BAZ2A: variants seen among roughly 807,000 people sequenced by gnomAD.
BAZ2A encodes bromodomain adjacent to zinc finger domain protein 2A.
A neutral mutation model predicts 199.9 loss-of-function variants in BAZ2A; 34 were observed. The ratio of observed to expected loss-of-function variants is 0.17; its 90% CI spans 0.13 to 0.23. BAZ2A has a LOEUF of 0.23. Ranked by LOEUF, BAZ2A falls within the 10% of genes least tolerant of loss-of-function variation. The pLI, the probability that BAZ2A is intolerant of heterozygous loss-of-function variation, is 1.00. For missense variants in BAZ2A, 2,002 were observed against 2,391.1 expected (o/e 0.84, Z 3.39); for synonymous variants, 857 against 883.9 (o/e 0.97, Z 0.54).
At chr12:56,605,613 G>A in intron 13 of BAZ2A, 1 of 628,922 alleles carries the variant, frequency 1.6e-6, no homozygotes. Context: ...GTAGAGATGA[G>A]GTCTCGCCAT....
chr12:56,602,242 A>G, intron 19 of BAZ2A, 50 bp from the exon 20 acceptor site: 1 of 1,447,910 alleles, frequency 6.9e-7, no homozygotes, highest in Non-Finnish European at 9.4e-7. Flanking sequence ...ACAAGGGAAA[A>G]GTAAGAGGGT....
At chr12:56,636,475 T>G (rs1951451763), upstream of BAZ2A, 2 of 956,214 alleles carry the variant, frequency 2.1e-6, no homozygotes, top group Admixed American at 7.0e-5. Flanking sequence ...TGGAGGAAGG[T>G]TAGAGAGCTG....
chr12:56,614,363 T>C (rs1950650802), intron 3 of BAZ2A: 4 of 480,778 alleles, frequency 8.3e-6, no homozygotes, highest in Non-Finnish European at 1.1e-5. Flanking sequence ...TGGGGTCTGA[T>C]ACAACATCTC....
intron 23 of BAZ2A, 63 bp from the exon 24 acceptor site, chr12:56,600,553 A>C (rs1396570555): frequency 7.0e-6 from 11 of 1,574,640 alleles, no homozygotes; most frequent in Admixed American, 3.8e-5. Context: ...ATAGGAAAAA[A>C]AAAAACAAAA....
intron 1 of BAZ2A, among the ~76,000 whole-genome samples, chr12:56,622,066 C>T (rs1052076269): frequency 3.3e-5 from 5 of 151,876 alleles, no homozygotes; most frequent in Admixed American, 1.3e-4. Context: ...TGGCCAGGCG[C>T]AGTGGTTCAC....
rs957327315 is a variant in BAZ2A at position 56,601,748 on chromosome 12, C to T, written c.3869G>A (p.Ser1290Asn). Residue 1290 changes from serine to asparagine, a missense_variant, in exon 20 of 29, where the codon AGC becomes AAC. Transcript: ENST00000549884. ...LLSSSVLTPD[S>N]SPGKLDPAPS... ...AGCTGGGTCTAGTTTTCCCGGACTG[C>T]TATCAGGTGTGAGGACTGAGCTGCT... 1 of 1,613,958 alleles carries T rather than the reference C, an allele frequency of 6.2e-7. No individual in the cohort carries two copies.
At position 56,598,223 on chromosome 12, in the gene BAZ2A, C is replaced by T. The variant is rs1309084072; in HGVS notation, c.*395G>A. The T allele has an allele frequency of 4.5e-6, 1 of 222,680 alleles. No individual in the cohort carries two copies. The allele number at this position is 222,680 out of a possible 1,614,324, so 13.8% of individuals were successfully genotyped here. ...AGTGTTTCTTGGTTTCACACATTCA[C>T]TAGAACTATTGCTATTGTTAAATAA... On this transcript the variant is annotated 3_prime_UTR_variant, in exon 29 of 29. Coordinates refer to ENST00000549884, the MANE Select transcript of BAZ2A (RefSeq NM_001300905.2).
chr12:56,604,037 G>A (rs572505315), intron 16 of BAZ2A, among the ~76,000 whole-genome samples, 180 bp downstream of exon 16: 26 of 152,156 alleles, frequency 1.7e-4, no homozygotes, highest in African/African-American at 6.3e-4. Context: ...ACGGGAAACT[G>A]GTGAGGAACA....
upstream of BAZ2A, among the ~76,000 whole-genome samples, chr12:56,637,679 G>A (rs1448336148): frequency 1.3e-5 from 2 of 151,100 alleles, no homozygotes; most frequent in African/African-American, 4.9e-5. Context: ...CTGGAAATAA[G>A]TTATTTCTAA....
Position 56,599,167 on chromosome 12 carries a change from G to A in BAZ2A, c.5364C>T (p.Leu1788=). Residue 1788 remains leucine (L), a synonymous_variant, in exon 27 of 29, where the codon CTC becomes CTT. Coordinates refer to ENST00000549884, the MANE Select transcript of BAZ2A (RefSeq NM_001300905.2). ...EGLSPSKRRR[L]SMRNHHSDLT... is the part of the protein sequence containing the mutation. ...GATCACTGTGGTGGTTCCGCATAGA[G>A]AGTCGCCGCCGCTTGGAGGGGGAGA... 1 of 1,612,820 alleles carries A rather than the reference G, an allele frequency of 6.2e-7. No homozygotes were observed. Among genetic ancestry groups the A allele is most frequent in the Non-Finnish European group, 8.5e-7 (1 of 1,179,506 alleles).
upstream of BAZ2A, among the ~76,000 whole-genome samples, chr12:56,635,246 G>A (rs2137516064): frequency 6.6e-6 from 1 of 152,232 alleles, no homozygotes; most frequent in South Asian, 2.1e-4. This position sits in a 1 kb window ranked among gnomAD's most constrained non-coding sequence, Gnocchi z 4.1. Flanking sequence ...GTGAAGTGGG[G>A]GATGGTGGTA....
rs1282690939 is a variant in BAZ2A at position 56,605,101 on chromosome 12, T to C, written c.2720A>G (p.His907Arg). ...ACAGTAGGAGGGAAAGCCAGGATCA[T>C]GGAGTGCAGCCTTCAGCAGCCTGAC... Reference protein sequence around the residue: ...LLVRLLKAALHDPGFPSYCQS... With the variant: ...LLVRLLKAALRDPGFPSYCQS... Residue 907 changes from histidine (H) to arginine (R), a missense_variant, in exon 14 of 29, where the codon CAT (histidine) becomes CGT (arginine). His to Arg is a conservative substitution (Grantham distance 29). Around this residue, in one of 6 missense-constraint regions of BAZ2A, gnomAD observed 1,081 missense variants for 1,274.7 expected, o/e 0.85. Transcript: ENST00000549884. 12 of 1,611,454 alleles carry C rather than the reference T, an allele frequency of 7.4e-6. No individual in the cohort carries two copies. Among genetic ancestry groups the C allele is most frequent in the South Asian group, 1.1e-5 (1 of 90,918 alleles).
In BAZ2A at chr12:56,599,819, A is replaced by G; in HGVS notation, c.5055T>C (p.Asn1685=). 1 of 1,613,908 alleles carries G rather than the reference A, an allele frequency of 6.2e-7. No homozygotes were observed. Among genetic ancestry groups the G allele is most frequent in the Non-Finnish European group, 8.5e-7 (1 of 1,179,854 alleles). The change falls in exon 26 of 29, where the codon AAT becomes AAC. Residue 1685 remains asparagine, a synonymous_variant. Coordinates refer to ENST00000549884, the MANE Select transcript of BAZ2A (RefSeq NM_001300905.2). ...CATCACAAAGCAGAAGAAACTCATC[A>G]TTGTCACCCTTCCGGCAGACTAGAC... ...VTCLVCRKGD[N]DEFLLLCDGC...
chr12:56,606,505 C>A, intron 11 of BAZ2A, 128 bp downstream of exon 11: 1 of 1,211,362 alleles, frequency 8.3e-7, no homozygotes, highest in Non-Finnish European at 1.2e-6. Context: ...AAATCAAGTG[C>A]AAGAAATTTC....
chr12:56,637,770 C>CA (rs537402652), upstream of BAZ2A, among the ~76,000 whole-genome samples: 34,655 of 123,060 alleles, frequency 0.28, 6,335 homozygotes, highest in African/African-American at 0.55. Context: ...GAATAGAGGC[C>CA]AAAAAAAAAA....
At chr12:56,603,000 A>G in intron 18 of BAZ2A, 143 bp from the exon 19 acceptor site, 1 of 1,107,300 alleles carries the variant, frequency 9.0e-7, no homozygotes, top group Non-Finnish European at 1.3e-6. Flanking sequence ...GAAGGTGATT[A>G]AGTTTGGGAG....
chr12:56,627,837 AAAAG>A lies in BAZ2A; in HGVS notation c.-3+2284_-3+2287del, dbSNP rs1261809137. 6.2e-3 allele frequency among the ~76,000 whole-genome samples: 930 copies of A among 150,870 alleles called. 5 individuals carry two copies. The highest frequency in any genetic ancestry group is 9.6e-3 in the Non-Finnish European group (652 of 67,712). ...TGAGACCCTGTCTCAAAAAAAAAAA[AAAAG>A]AAAGAAAGAAAGAGAAAAGAAAAGA... is the stretch of plus-strand genomic sequence containing the variant. On this transcript the variant is annotated intron_variant, in intron 1 of 28. Coordinates refer to ENST00000549884, the MANE Select transcript of BAZ2A (RefSeq NM_001300905.2).
chr12:56,630,933 C>CA, upstream of BAZ2A: 1 of 861,522 alleles, frequency 1.2e-6, no homozygotes, highest in Non-Finnish European at 1.4e-6. Context: ...AGCCTAAATG[C>CA]AGTCAGAGAA....
At chr12:56,621,308 G>C (rs1950914349) in intron 1 of BAZ2A, 2 of 951,022 alleles carry the variant, frequency 2.1e-6, no homozygotes, top group Non-Finnish European at 1.3e-6. Flanking sequence ...ACATGTCGAT[G>C]GCTCACAGAA....
Sources: allele counts gnomAD v4.1 joint callset (sites outside exome capture counted in the v4.1 genomes callset), GRCh38; gene constraint gnomAD v4.1.1; regional missense constraint gnomAD v4.1.1; non-coding constraint Gnocchi (gnomAD v3.1); transcripts MANE v1.5; gene names NCBI Gene and HGNC (gene_info 2026-07-23, HGNC 2026-07-21).